TNKS2: variants seen among roughly 807,000 people sequenced by gnomAD.
TNKS2 encodes the protein tankyrase 2, also known as poly [ADP-ribose] polymerase tankyrase-2.
Under a neutral mutation model 137.6 loss-of-function variants are expected in TNKS2, and 72 were observed. The observed-to-expected ratio is 0.52, with a 90% CI of 0.43 to 0.64. TNKS2 has a LOEUF of 0.64. Ranked by LOEUF, TNKS2 falls within the 30% of genes least tolerant of loss-of-function variation. TNKS2 has a pLI of 0.00. For synonymous variants in TNKS2, 516 were observed against 512.1 expected, an observed-to-expected ratio of 1.01 and a Z score of -0.10; for missense variants, 1,049 against 1,410.2, an observed-to-expected ratio of 0.74 and a Z score of 4.10.
At position 91,798,905 on chromosome 10, in the gene TNKS2, G is replaced by C; in HGVS notation, c.199+16G>C. On this transcript the variant is annotated intron_variant, in intron 1 of 26. Transcript: ENST00000371627. ...TTCGCCGCAGGTAACCGGGGCCAGC[G>C]TCCCCTCGCCTCGCTCCAGACCCCA... The C allele has an allele frequency of 7.3e-7, 1 of 1,376,398 alleles. No homozygotes were observed. The highest frequency in any genetic ancestry group is 2.1e-4 in the Middle Eastern group (1 of 4,830). 85.3% of individuals were successfully genotyped at this position (1,376,398 alleles called of 1,614,324 possible). A position where few individuals can be genotyped will look rare whatever the true frequency, so the allele number is the denominator to read the frequency against.
At chr10:91,856,050 G>A (rs775636426) in intron 23 of TNKS2, among the ~76,000 whole-genome samples, 14 of 151,892 alleles carry the variant, frequency 9.2e-5, no homozygotes, top group Non-Finnish European at 1.6e-4. Context: ...GTCATACAAT[G>A]CTTATTTTTT....
intron 10 of TNKS2, 29 bp downstream of exon 10, chr10:91,831,043 A>T: frequency 6.2e-7 from 1 of 1,612,096 alleles, no homozygotes; most frequent in South Asian, 1.1e-5. Context: ...ATTAAATATC[A>T]TTGAGATTTT....
chr10:91,827,617 C>T (rs550627322), intron 8 of TNKS2, among the ~76,000 whole-genome samples: 157 of 152,190 alleles, frequency 1.0e-3, no homozygotes, highest in Non-Finnish European at 1.8e-3. Context: ...GGCACCTGGG[C>T]CAAGTTCGGT....
chr10:91,836,748 A>G, intron 12 of TNKS2, 171 bp from the exon 13 acceptor site: 1 of 985,338 alleles, frequency 1.0e-6, no homozygotes, highest in Non-Finnish European at 1.2e-6. Context: ...GTTTTAAGAG[A>G]ATCTTATTTT....
chr10:91,842,411 C>G lies in TNKS2; in HGVS notation c.2059+20C>G, dbSNP rs201651068. Reference sequence around the variant, plus strand: ...TAGCAGGTAAGTGAATGAAGTTTCACAGATTTAGGCTGGTAATATCTGAGA... The same window carrying G: ...TAGCAGGTAAGTGAATGAAGTTTCAGAGATTTAGGCTGGTAATATCTGAGA... On this transcript the variant is annotated intron_variant, in intron 16 of 26. Coordinates refer to ENST00000371627, the MANE Select transcript of TNKS2 (RefSeq NM_025235.4). 12 of 1,600,432 alleles carry G rather than the reference C, an allele frequency of 7.5e-6. No individual in the cohort carries two copies. In the African/African-American group the frequency reaches 1.2e-4, roughly 16 times the overall value.
intron 3 of TNKS2, among the ~76,000 whole-genome samples, chr10:91,817,866 A>AGTGTGCTTTGTT (rs1844762257): frequency 6.6e-6 from 1 of 152,172 alleles, no homozygotes; most frequent in Non-Finnish European, 1.5e-5. Context: ...CTCCCTTGTT[A>AGTGTGCTTTGTT]ATGTGCTTTC....
Position 91,834,028 on chromosome 10 carries a change from T to C in TNKS2, c.1447+4T>C. ...AATGTACAGCAACTCCTCCAAGGTA[T>C]TACATGCTTCAATGAAATTGATTTT... On this transcript the variant is annotated splice_donor_region_variant and intron_variant, in intron 12 of 26. Transcript: ENST00000371627. 6.4e-7 allele frequency: 1 copy of C among 1,553,920 alleles called. No individual in the cohort carries two copies. Among genetic ancestry groups the C allele is most frequent in the Non-Finnish European group, 8.7e-7 (1 of 1,151,612 alleles).
At chr10:91,851,698 A>G (rs1842542323) in intron 21 of TNKS2, among the ~76,000 whole-genome samples, 1 of 152,214 alleles carries the variant, frequency 6.6e-6, no homozygotes, top group South Asian at 2.1e-4. Context: ...GTAATATAAT[A>G]GATAATAACT....
chr10:91,819,969 A>G lies in TNKS2; in HGVS notation c.664A>G (p.Asn222Asp). ...STPLHLAAGY[N>D]RVKIVQLLLQ... ...TCCATTACATTTGGCAGCAGGATAT[A>G]ACAGAGTAAAGATTGTACAGCTGTT... The change falls in exon 6 of 27, where the codon AAC (asparagine) becomes GAC (aspartate). Residue 222 changes from asparagine to aspartate, a missense_variant. Transcript: ENST00000371627. 1 of 1,593,000 alleles carries G rather than the reference A, an allele frequency of 6.3e-7. No individual in the cohort carries two copies. Among genetic ancestry groups the G allele is most frequent in the Non-Finnish European group, 8.5e-7 (1 of 1,170,406 alleles).
intron 14 of TNKS2, among the ~76,000 whole-genome samples, 167 bp downstream of exon 14, chr10:91,840,873 CA>C (rs1843170044): frequency 6.6e-6 from 1 of 152,124 alleles, no homozygotes; most frequent in Non-Finnish European, 1.5e-5. Context: ...ATATGGTTAG[CA>C]TTCATATAAA....
intron 1 of TNKS2, among the ~76,000 whole-genome samples, chr10:91,812,248 T>C (rs1166830545): frequency 1.3e-5 from 2 of 152,180 alleles, no homozygotes; most frequent in South Asian, 2.1e-4. Context: ...TTGAAACTCA[T>C]TGGTGCTAGA....
chr10:91,840,493 A>C, intron 13 of TNKS2, 68 bp from the exon 14 acceptor site: 1 of 1,412,842 alleles, frequency 7.1e-7, no homozygotes, highest in Non-Finnish European at 9.7e-7. Flanking sequence ...AATTCCTACT[A>C]AATGACTTGA....
At position 91,860,354 on chromosome 10, in the gene TNKS2, C is replaced by G. The variant is rs1275779289; in HGVS notation, c.3281+706C>G. ...ATATACAGAGCAGTAGTTTATCAAG[C>G]ATTAGCATGCATTAGAGTCACCTAG... On this transcript the variant is annotated intron_variant, in intron 25 of 26. Transcript: ENST00000371627. Among the ~76,000 whole-genome samples the G allele has an allele frequency of 3.9e-5, 6 of 152,240 alleles. No individual in the cohort carries two copies. The East Asian group carries it at 1.2e-3, about 29-fold the overall frequency.
intron 21 of TNKS2, among the ~76,000 whole-genome samples, chr10:91,853,568 G>C (rs1219745823): frequency 6.6e-6 from 1 of 152,164 alleles, no homozygotes; most frequent in Non-Finnish European, 1.5e-5. Flanking sequence ...TGACTTAACA[G>C]CCTTACCTAT....
At position 91,863,480 on chromosome 10, in the gene TNKS2, T is replaced by A. The variant is rs1842905605; in HGVS notation, c.*481T>A. The A allele has an allele frequency of 6.5e-6, 1 of 152,722 alleles. No individual in the cohort carries two copies. The highest frequency in any genetic ancestry group is 1.5e-5 in the Non-Finnish European group (1 of 68,072). 9.5% of individuals were successfully genotyped at this position (152,722 alleles called of 1,614,324 possible). ...AATCTGTTTTAGAACTGCAGCGGTT[T>A]ACAAAATTTTTTCATATGTATTGTT... On this transcript the variant is annotated 3_prime_UTR_variant, in exon 27 of 27. Transcript: ENST00000371627.
intron 9 of TNKS2, 111 bp downstream of exon 9, chr10:91,828,517 A>G: frequency 9.0e-7 from 1 of 1,104,986 alleles, no homozygotes; most frequent in South Asian, 2.5e-5. Context: ...GTTTTAAAAA[A>G]TTACTGCCTA....
At chr10:91,820,350 G>A (rs1250277377) in intron 6 of TNKS2, among the ~76,000 whole-genome samples, 1 of 152,230 alleles carries the variant, frequency 6.6e-6, no homozygotes. Context: ...GTTGACTGGA[G>A]TGGTTGGGAA....
Position 91,861,999 on chromosome 10 carries a change from G to A in TNKS2, c.3282G>A (p.Arg1094=), listed in dbSNP as rs751828648. The change falls in exon 26 of 27, where the codon AGG becomes AGA. Residue 1094 remains arginine (R), a splice_region_variant and synonymous_variant. Transcript: ENST00000371627. ...TGATCTTTTCCTTTTCGTTTTATAG[G>A]CAGCTGCTCTTTTGCCGGGTAACCT... ...HKDRSCYICH[R]QLLFCRVTLG... The A allele has an allele frequency of 1.2e-6, 2 of 1,602,728 alleles. No individual in the cohort carries two copies. Among genetic ancestry groups the A allele is most frequent in the Non-Finnish European group, 1.7e-6 (2 of 1,174,542 alleles).
At chr10:91,812,350 A>T (rs1278473474) in intron 1 of TNKS2, among the ~76,000 whole-genome samples, 1 of 152,194 alleles carries the variant, frequency 6.6e-6, no homozygotes, top group Non-Finnish European at 1.5e-5. Flanking sequence ...TGGTACCTAA[A>T]GGAGGCCTCC....
Sources: allele counts gnomAD v4.1 joint callset (sites outside exome capture counted in the v4.1 genomes callset), GRCh38; gene constraint gnomAD v4.1.1; transcripts MANE v1.5; gene names NCBI Gene and HGNC (gene_info 2026-07-23, HGNC 2026-07-21).